SEMA3A: variants seen among roughly 807,000 people sequenced by gnomAD.
SEMA3A encodes the protein semaphorin 3A.
In SEMA3A, 29 loss-of-function variants were observed where a neutral mutation model predicts 97.9. The ratio of observed to expected loss-of-function variants is 0.30; its 90% CI spans 0.22 to 0.40. The LOEUF (loss-of-function observed/expected upper bound fraction) is 0.40, where lower values mean the gene tolerates loss of function less well. SEMA3A is among the 10% of genes least tolerant of loss of function. The probability of loss-of-function intolerance (pLI) is 1.00; values close to 1 mark genes in which losing one functional copy is unlikely to be tolerated. For synonymous variants in SEMA3A, 321 were observed against 323.7 expected (o/e 0.99, Z 0.09); for missense variants, 763 against 951.3 (o/e 0.80, Z 2.60).
chr7:83,970,573 C>T (rs1788872742), intron 15 of SEMA3A, among the ~76,000 whole-genome samples: 1 of 152,090 alleles, frequency 6.6e-6, no homozygotes, highest in South Asian at 2.1e-4. Context: ...AGGTTGTGAA[C>T]CATATTCATT....
At chr7:84,093,931 A>AG (rs1794668870) in intron 4 of SEMA3A, among the ~76,000 whole-genome samples, 1 of 151,862 alleles carries the variant, frequency 6.6e-6, no homozygotes, top group Non-Finnish European at 1.5e-5. Context: ...ACTTAAAAAA[A>AG]AAAAAAAAGA....
chr7:84,448,355 G>A (rs1314232013), intron 1 of SEMA3A, among the ~76,000 whole-genome samples: 1 of 152,120 alleles, frequency 6.6e-6, no homozygotes, highest in Non-Finnish European at 1.5e-5. Flanking sequence ...AAAAGAAGTT[G>A]TTAAAATCAT....
chr7:84,471,870 T>C (rs1806161565), intron 1 of SEMA3A, among the ~76,000 whole-genome samples: 1 of 152,000 alleles, frequency 6.6e-6, no homozygotes, highest in Non-Finnish European at 1.5e-5. Context: ...ATTTGCTGCT[T>C]CTAATTGTAA....
intron 2 of SEMA3A, among the ~76,000 whole-genome samples, chr7:84,325,117 C>CTCATCTA (rs1554364630): frequency 1.3e-5 from 2 of 149,052 alleles, no homozygotes; most frequent in African/African-American, 5.0e-5. Context: ...ATGTATATAT[C>CTCATCTA]TCTATCTATC....
intron 1 of SEMA3A, among the ~76,000 whole-genome samples, chr7:84,449,228 G>C (rs1232839684): frequency 6.6e-6 from 1 of 152,112 alleles, no homozygotes; most frequent in Non-Finnish European, 1.5e-5. Context: ...ACATTTATTT[G>C]TGAATTATAG....
intron 1 of SEMA3A, among the ~76,000 whole-genome samples, chr7:84,185,692 GAAAAAAAAAAAA>G (rs71078810): frequency 3.8e-5 from 3 of 78,132 alleles, no homozygotes; most frequent in African/African-American, 1.1e-4. Flanking sequence ...ACTCTGGCAG[GAAAAAAAAAAAA>G]AAAAAAAAAG....
intron 12 of SEMA3A, among the ~76,000 whole-genome samples, chr7:83,992,414 G>A (rs1302867485): frequency 1.4e-5 from 2 of 144,650 alleles, no homozygotes; most frequent in Non-Finnish European, 3.0e-5. Context: ...TGATGTTAGG[G>A]TGTCAATTTT....
At chr7:84,022,738 C>T (rs1791373179) in intron 6 of SEMA3A, among the ~76,000 whole-genome samples, 1 of 152,216 alleles carries the variant, frequency 6.6e-6, no homozygotes, top group African/African-American at 2.4e-5. Context: ...TGCCATAAAA[C>T]TGCAATGTAA....
At chr7:84,387,242 C>T (rs1268414831) in intron 1 of SEMA3A, among the ~76,000 whole-genome samples, 4 of 151,892 alleles carry the variant, frequency 2.6e-5, no homozygotes, top group African/African-American at 9.7e-5. Context: ...TTAGTAGAAC[C>T]TTGCCAGAGA....
Position 84,003,427 on chromosome 7 carries a change from ATATAC to A in SEMA3A, c.1361-1386_1361-1382del, listed in dbSNP as rs547211624. 7.9e-5 allele frequency among the ~76,000 whole-genome samples: 12 copies of A among 152,280 alleles called. No homozygotes were observed. In the South Asian group the frequency reaches 2.5e-3, roughly 32 times the overall value. On this transcript the variant is annotated intron_variant, in intron 11 of 16. Coordinates refer to ENST00000265362, the MANE Select transcript of SEMA3A (RefSeq NM_006080.3). Reference sequence around the variant, plus strand: ...GAATCAGATTACTCAACTAGGATCAATATACTATGATGTGCAACTTAGTTAAAAGA... The same window carrying A: ...GAATCAGATTACTCAACTAGGATCAATATGATGTGCAACTTAGTTAAAAGA...
intron 15 of SEMA3A, among the ~76,000 whole-genome samples, chr7:83,965,230 C>T (rs1788623828): frequency 6.6e-6 from 1 of 151,808 alleles, no homozygotes. Flanking sequence ...TGAGCCACCG[C>T]GTCCGGCCCG....
At chr7:84,433,576 C>A (rs1289497367) in intron 1 of SEMA3A, among the ~76,000 whole-genome samples, 1 of 152,048 alleles carries the variant, frequency 6.6e-6, no homozygotes, top group East Asian at 1.9e-4. Flanking sequence ...ATTTATAATG[C>A]TTTTGGGTAT....
intron 4 of SEMA3A, among the ~76,000 whole-genome samples, chr7:84,071,162 C>T (rs1213945251): frequency 6.6e-6 from 1 of 152,086 alleles, no homozygotes; most frequent in Admixed American, 6.6e-5. Context: ...GGGAAAAATT[C>T]CATTCGTCAG....
intron 1 of SEMA3A, among the ~76,000 whole-genome samples, chr7:84,429,516 T>TATATATATATATATATATA (rs1554385262): frequency 2.8e-5 from 2 of 72,420 alleles, no homozygotes; most frequent in African/African-American, 1.4e-4. Context: ...ATAGAGTTTG[T>TATATATATATATATATATA]TATATATATA....
intron 1 of SEMA3A, among the ~76,000 whole-genome samples, chr7:84,142,226 C>T (rs955459194): frequency 8.5e-5 from 13 of 152,278 alleles, no homozygotes; most frequent in African/African-American, 2.9e-4. Flanking sequence ...AACAAAAACA[C>T]ATTTAGTCCA....
At chr7:84,109,447 T>C (rs1239991083) in intron 4 of SEMA3A, among the ~76,000 whole-genome samples, 1 of 152,158 alleles carries the variant, frequency 6.6e-6, no homozygotes, top group Non-Finnish European at 1.5e-5. Context: ...AAAATAAGTG[T>C]GTTTAGTCTA....
intron 6 of SEMA3A, among the ~76,000 whole-genome samples, chr7:84,045,392 G>A (rs1245088487): frequency 1.3e-5 from 2 of 151,720 alleles, no homozygotes; most frequent in African/African-American, 4.8e-5. Flanking sequence ...TGGAGATTGG[G>A]TGGCTTTATT....
At chr7:84,108,798 G>A (rs1462108420) in intron 4 of SEMA3A, among the ~76,000 whole-genome samples, 1 of 151,834 alleles carries the variant, frequency 6.6e-6, no homozygotes, top group Non-Finnish European at 1.5e-5. Context: ...CCAGCTACTT[G>A]GGAGGCTGAG....
intron 1 of SEMA3A, among the ~76,000 whole-genome samples, chr7:84,417,528 C>T (rs1217938666): frequency 6.6e-6 from 1 of 152,040 alleles, no homozygotes; most frequent in Non-Finnish European, 1.5e-5. Flanking sequence ...AACTTATTCT[C>T]ACAAAAAATT....
Sources: allele counts gnomAD v4.1 joint callset (sites outside exome capture counted in the v4.1 genomes callset), GRCh38; gene constraint gnomAD v4.1.1; transcripts MANE v1.5; gene names NCBI Gene and HGNC (gene_info 2026-07-23, HGNC 2026-07-21).